GLIPR2: variants seen among roughly 807,000 people sequenced by gnomAD.
GLIPR2 encodes GLI pathogenesis related 2, also known as Golgi-associated plant pathogenesis-related protein 1.
GLIPR2 carries 21 observed loss-of-function variants against 20.4 expected under a neutral mutation model. The ratio of observed to expected loss-of-function variants is 1.03; its 90% confidence interval spans 0.73 to 1.48. The LOEUF (loss-of-function observed/expected upper bound fraction) is 1.48. GLIPR2 is among the 40% of genes most tolerant of loss of function. The probability of loss-of-function intolerance (pLI) is 0.00; values close to 1 mark genes in which losing one functional copy is unlikely to be tolerated. For missense variants in GLIPR2, 205 were observed against 200.1 expected (o/e 1.02, Z -0.15); for synonymous variants, 91 against 80.5 (o/e 1.13, Z -0.70).
intron 2 of GLIPR2, among the ~76,000 whole-genome samples, chr9:36,148,329 ACTCT>A (rs1463024304): frequency 6.6e-6 from 1 of 150,842 alleles, no homozygotes; most frequent in East Asian, 2.0e-4. Context: ...TTGAATAACC[ACTCT>A]CTCACTCACC....
intron 4 of GLIPR2, among the ~76,000 whole-genome samples, chr9:36,158,775 A>G (rs2132785558): frequency 6.6e-6 from 1 of 152,302 alleles, no homozygotes; most frequent in Admixed American, 6.5e-5. Context: ...CCAAGAAATA[A>G]GAATTTAGGC....
intron 1 of GLIPR2, chr9:36,145,145 G>A (rs1475342821): frequency 6.6e-6 from 1 of 152,220 alleles, no homozygotes; most frequent in Non-Finnish European, 1.5e-5. Flanking sequence ...GGCCTGATGG[G>A]ACCAATTCAG....
At chr9:36,137,633 T>C (rs1241163699) in intron 1 of GLIPR2, among the ~76,000 whole-genome samples, 1 of 152,136 alleles carries the variant, frequency 6.6e-6, no homozygotes, top group Admixed American at 6.5e-5. Flanking sequence ...GCCCTTCCTG[T>C]AGTGGGCCGG....
chr9:36,153,936 A>C (rs574290876), intron 4 of GLIPR2, among the ~76,000 whole-genome samples: 96 of 151,552 alleles, frequency 6.3e-4, no homozygotes, highest in South Asian at 4.6e-3. Flanking sequence ...AATAGGAAGA[A>C]ATACCCTGTA....
Position 36,162,347 on chromosome 9 carries a change from C to T in GLIPR2, c.305-15C>T. 6.2e-7 allele frequency: 1 copy of T among 1,605,730 alleles called. No homozygotes were observed. Among genetic ancestry groups the T allele is most frequent in the Middle Eastern group, 1.7e-4 (1 of 6,032 alleles). ...ATTCAGCCGTGTCCCTCTCCCTCTG[C>T]CCGTTCCCCTACAGGACACTTCACG... On this transcript the variant is annotated splice_polypyrimidine_tract_variant and intron_variant, in intron 4 of 4. Transcript: ENST00000377960.
chr9:36,141,974 C>T (rs1825109916), intron 1 of GLIPR2: 1 of 419,982 alleles, frequency 2.4e-6, no homozygotes, highest in Non-Finnish European at 4.6e-6. Context: ...TCCCTCAGCC[C>T]TGGGGAGCCA....
intron 4 of GLIPR2, among the ~76,000 whole-genome samples, chr9:36,157,120 G>A (rs934125589): frequency 6.6e-6 from 1 of 151,106 alleles, no homozygotes; most frequent in Non-Finnish European, 1.5e-5. Flanking sequence ...GAGTTCAAGC[G>A]ATTCTCCTGC....
At chr9:36,138,374 G>A (rs540444813) in intron 1 of GLIPR2, among the ~76,000 whole-genome samples, 6 of 152,066 alleles carry the variant, frequency 3.9e-5, no homozygotes, top group South Asian at 2.1e-4. Context: ...ACAGGTGTGC[G>A]CCACCACGCC....
At chr9:36,146,542 A>G (rs1304097364) in intron 1 of GLIPR2, among the ~76,000 whole-genome samples, 3 of 152,230 alleles carry the variant, frequency 2.0e-5, no homozygotes, top group African/African-American at 2.4e-5. Flanking sequence ...CAATTCCCCC[A>G]GAGACATATT....
In GLIPR2 at chr9:36,147,037, G is replaced by A. The variant is rs541126255; in HGVS notation, c.14-749G>A. Among the ~76,000 whole-genome samples, 13 of 152,280 alleles carry A rather than the reference G, an allele frequency of 8.5e-5. No individual in the cohort carries two copies. The South Asian group carries it at 1.0e-3, about 12-fold the overall frequency. On this transcript the variant is annotated intron_variant, in intron 1 of 4. Transcript: ENST00000377960. The stretch of plus-strand genomic sequence containing the variant: ...GTCTGATTAGATGGCACCCACCCAC[G>A]TTGAGAGTAGATCTTCCCCACTCAG...
chr9:36,163,232 C>CTTTTTT lies in GLIPR2; in HGVS notation c.*712_*713insTTTTTT. The CTTTTTT allele has an allele frequency of 4.4e-6, 1 of 226,142 alleles. No homozygotes were observed. The highest frequency in any genetic ancestry group is 1.5e-4 in the East Asian group (1 of 6,530). The allele number at this position is 226,142 out of a possible 1,614,324, so 14.0% of individuals were successfully genotyped here. ...CACCTCTTGCCCCCTTCCCTCTTTT[C>CTTTTTT]TTAAACTTCTGGCATTTCAGAGCTC... On this transcript the variant is annotated 3_prime_UTR_variant, in exon 5 of 5. Coordinates refer to ENST00000377960, the MANE Select transcript of GLIPR2 (RefSeq NM_022343.4).
chr9:36,142,437 G>T (rs1043204087), intron 1 of GLIPR2, among the ~76,000 whole-genome samples: 6 of 152,144 alleles, frequency 3.9e-5, no homozygotes, highest in African/African-American at 1.4e-4. Context: ...AAAAACATGG[G>T]TAAGGTCATG....
chr9:36,152,952 C>CAAAAAAA (rs67296666), intron 4 of GLIPR2, among the ~76,000 whole-genome samples: 4 of 14,034 alleles, frequency 2.9e-4, no homozygotes, highest in Non-Finnish European at 4.8e-4. Context: ...ACTGAAAGTG[C>CAAAAAAA]AAAAAAAAAA....
At chr9:36,154,808 G>A (rs189460554) in intron 4 of GLIPR2, among the ~76,000 whole-genome samples, 83 of 152,316 alleles carry the variant, frequency 5.4e-4, no homozygotes, top group African/African-American at 1.7e-3. Flanking sequence ...ACAGGCACTC[G>A]TGCTGCTCAT....
chr9:36,150,671 G>T (rs113485520), intron 3 of GLIPR2, among the ~76,000 whole-genome samples: 2 of 152,134 alleles, frequency 1.3e-5, no homozygotes, highest in East Asian at 1.9e-4. Flanking sequence ...CCCCCAGAAG[G>T]CCCACTCTTC....
At chr9:36,144,696 A>G (rs1825251056) in intron 1 of GLIPR2, 1 of 152,328 alleles carries the variant, frequency 6.6e-6, no homozygotes, top group African/African-American at 2.4e-5. Flanking sequence ...ACCTCACTGG[A>G]CAGCCTCACT....
chr9:36,154,838 A>T (rs1825762472), intron 4 of GLIPR2, among the ~76,000 whole-genome samples: 1 of 152,056 alleles, frequency 6.6e-6, no homozygotes, highest in African/African-American at 2.4e-5. Context: ...GTGTCTAATT[A>T]TTTTCTTGGC....
At chr9:36,148,270 G>A (rs1026425105) in intron 2 of GLIPR2, among the ~76,000 whole-genome samples, 1 of 151,928 alleles carries the variant, frequency 6.6e-6, no homozygotes, top group Non-Finnish European at 1.5e-5. Context: ...ACGTTGGGGG[G>A]CCCTGCATGG....
At chr9:36,148,522 T>C in intron 2 of GLIPR2, 25 bp from the exon 3 acceptor site, 1 of 1,572,998 alleles carries the variant, frequency 6.4e-7, no homozygotes, top group Non-Finnish European at 8.7e-7. Context: ...GCACCTGCTC[T>C]GAGGAGGCGC....
Sources: gnomAD v4.1 joint callset for allele counts (sites outside exome capture counted in the v4.1 genomes callset) on GRCh38, gnomAD v4.1.1 for gene constraint, MANE v1.5 for transcripts, NCBI Gene and HGNC (gene_info 2026-07-23, HGNC 2026-07-21) for gene names.